Variants in CNTN3 observed in about 807,000 individuals in gnomAD.
CNTN3 encodes the protein contactin-3.
Under a neutral mutation model 119.1 loss-of-function variants are expected in CNTN3, and 60 were observed. That is an observed-to-expected ratio of 0.50 (90% CI 0.41 to 0.62). CNTN3 has a LOEUF of 0.62. Among genes scored for constraint, CNTN3 ranks in the 20% least tolerant of loss-of-function variants. The pLI is 0.00. For missense variants in CNTN3, 1,101 were observed against 1,242.4 expected (o/e 0.89, Z 1.71); for synonymous variants, 450 against 438.7 (o/e 1.03, Z -0.32).
intron 5 of CNTN3, among the ~76,000 whole-genome samples, chr3:74,413,300 T>C (rs1288409475): frequency 1.3e-5 from 2 of 152,222 alleles, no homozygotes; most frequent in South Asian, 2.1e-4. Context: ...TAGATGCCTC[T>C]GAGACTTTGG....
chr3:74,494,759 T>C (rs897937315), intron 3 of CNTN3, among the ~76,000 whole-genome samples: 2 of 152,116 alleles, frequency 1.3e-5, no homozygotes, highest in African/African-American at 4.8e-5. Context: ...GCATTCACTA[T>C]TTTGCTAGGC....
Position 74,429,893 on chromosome 3 carries a change from A to T in CNTN3, c.359-4953T>A, listed in dbSNP as rs1031487649. On this transcript the variant is annotated intron_variant, in intron 4 of 22. Transcript: ENST00000263665. ...AGGACCTGAAAAGATGTTCAACATCATTAGACATCGGGGAAATGCAAATTA... is the reference window on the plus strand; with the variant it reads ...AGGACCTGAAAAGATGTTCAACATCTTTAGACATCGGGGAAATGCAAATTA... Among the ~76,000 whole-genome samples the T allele has an allele frequency of 2.6e-4, 39 of 152,198 alleles. 1 individual carries two copies. Among genetic ancestry groups the T allele is most frequent in the African/African-American group, 8.9e-4 (37 of 41,460 alleles).
intron 13 of CNTN3, among the ~76,000 whole-genome samples, chr3:74,323,294 T>C (rs567347652): frequency 5.3e-5 from 8 of 152,270 alleles, no homozygotes; most frequent in African/African-American, 1.7e-4. Context: ...CTATGAACCT[T>C]AGCAACTGTG....
At chr3:74,317,330 C>T (rs1702858508) in intron 13 of CNTN3, among the ~76,000 whole-genome samples, 1 of 151,588 alleles carries the variant, frequency 6.6e-6, no homozygotes, top group African/African-American at 2.4e-5. Context: ...GCATTTAGCC[C>T]ATTTACATTT....
At chr3:74,593,389 C>T (rs554476171) in intron 1 of CNTN3, among the ~76,000 whole-genome samples, 26 of 151,980 alleles carry the variant, frequency 1.7e-4, no homozygotes, top group Admixed American at 1.2e-3. Context: ...CAAAGAACAA[C>T]GGACAGACAT....
intron 1 of CNTN3, among the ~76,000 whole-genome samples, chr3:74,549,349 C>A (rs1418043005): frequency 6.6e-6 from 1 of 152,122 alleles, no homozygotes; most frequent in Non-Finnish European, 1.5e-5. Flanking sequence ...CCTGTACAGC[C>A]CACAGAACTG....
chr3:74,278,630 T>A (rs1056870938), intron 20 of CNTN3, among the ~76,000 whole-genome samples: 2 of 152,230 alleles, frequency 1.3e-5, no homozygotes, highest in East Asian at 3.9e-4. Flanking sequence ...AGGACTTAAA[T>A]CTAACACCTG....
At chr3:74,362,715 T>TAA (rs149184056) in intron 10 of CNTN3, among the ~76,000 whole-genome samples, 8,976 of 149,746 alleles carry the variant, frequency 0.06, 914 homozygotes, top group African/African-American at 0.2. Flanking sequence ...GGTATGTTAA[T>TAA]AAAAAAAAAA....
Position 74,263,670 on chromosome 3 carries a change from T to G in CNTN3, c.*731A>C, listed in dbSNP as rs1420502384. 1 of 152,054 alleles carries G rather than the reference T, an allele frequency of 6.6e-6. No homozygotes were observed. Among genetic ancestry groups the G allele is most frequent in the African/African-American group, 2.4e-5 (1 of 41,418 alleles). 9.4% of individuals were successfully genotyped at this position (152,054 alleles called of 1,614,324 possible). A position where few individuals can be genotyped will look rare whatever the true frequency, so the allele number is the denominator to read the frequency against. ...AATTCATGCTAATATTTTGCATGGGTCAATTGCATTTGGGGTGACAAAAGC... is the reference window on the plus strand; with the variant it reads ...AATTCATGCTAATATTTTGCATGGGGCAATTGCATTTGGGGTGACAAAAGC... On this transcript the variant is annotated 3_prime_UTR_variant, in exon 23 of 23. Transcript: ENST00000263665.
chr3:74,284,052 C>A (rs960525803), intron 20 of CNTN3, among the ~76,000 whole-genome samples: 3 of 152,052 alleles, frequency 2.0e-5, no homozygotes, highest in Admixed American at 1.3e-4. Flanking sequence ...TTTTTCTATA[C>A]CTAATACAAA....
At chr3:74,423,395 G>A (rs1460485288) in intron 5 of CNTN3, among the ~76,000 whole-genome samples, 1 of 152,200 alleles carries the variant, frequency 6.6e-6, no homozygotes, top group Non-Finnish European at 1.5e-5. Context: ...GCCTTGCTCA[G>A]TCACTAGATG....
intron 4 of CNTN3, among the ~76,000 whole-genome samples, chr3:74,462,893 G>C (rs542677416): frequency 6.6e-6 from 1 of 152,058 alleles, no homozygotes; most frequent in Non-Finnish European, 1.5e-5. Context: ...TCTCTAATCT[G>C]AAACTTTTCA....
intron 11 of CNTN3, among the ~76,000 whole-genome samples, chr3:74,340,401 T>C (rs1007653823): frequency 3.3e-5 from 5 of 151,970 alleles, no homozygotes; most frequent in African/African-American, 1.2e-4. Flanking sequence ...AGACTGAAGA[T>C]AATGGGATGG....
chr3:74,499,747 GTTCT>G lies in CNTN3; in HGVS notation c.90_93del (p.Lys30AsnfsTer16). ...CCAACAGGGAAAATGCTGTTGCTGG[GTTCT>G]TTGATAAATACAGGGCCTTGTAAGA... On this transcript the variant is annotated frameshift_variant, in exon 3 of 23. Transcript: ENST00000263665. LOFTEE classifies it high-confidence loss of function. 1 of 1,611,148 alleles carries G rather than the reference GTTCT, an allele frequency of 6.2e-7. No individual in the cohort carries two copies. The highest frequency in any genetic ancestry group is 8.5e-7 in the Non-Finnish European group (1 of 1,178,314).
intron 1 of CNTN3, among the ~76,000 whole-genome samples, chr3:74,528,668 C>T (rs1468886318): frequency 6.6e-6 from 1 of 151,832 alleles, no homozygotes; most frequent in Non-Finnish European, 1.5e-5. Context: ...ATTTTCCCCA[C>T]ACAATAGATA....
At position 74,551,939 on chromosome 3, in the gene CNTN3, T is replaced by C. The variant is rs554633622; in HGVS notation, c.-80-30747A>G. On this transcript the variant is annotated intron_variant, in intron 1 of 22. Transcript: ENST00000263665. Reference sequence around the variant, plus strand: ...TCACCACACCCCGGTAATTTTTGTATTTTTAGTAGAGACAGGGTTTTGCCA... The same window carrying C: ...TCACCACACCCCGGTAATTTTTGTACTTTTAGTAGAGACAGGGTTTTGCCA... Among the ~76,000 whole-genome samples the C allele has an allele frequency of 4.6e-5, 7 of 151,884 alleles. No individual in the cohort carries two copies. The South Asian group carries it at 1.5e-3, about 32-fold the overall frequency.
intron 4 of CNTN3, among the ~76,000 whole-genome samples, chr3:74,456,815 C>T (rs1323584173): frequency 6.6e-6 from 1 of 152,026 alleles, no homozygotes; most frequent in Non-Finnish European, 1.5e-5. Flanking sequence ...ATGTGCTGCT[C>T]ATTTCATGTA....
At chr3:74,299,281 A>G (rs748518900) in intron 17 of CNTN3, among the ~76,000 whole-genome samples, 1 of 152,226 alleles carries the variant, frequency 6.6e-6, no homozygotes, top group Non-Finnish European at 1.5e-5. Flanking sequence ...TTGTTGACAC[A>G]TCATCAGCAT....
intron 1 of CNTN3, among the ~76,000 whole-genome samples, chr3:74,538,900 T>G (rs1703801746): frequency 6.6e-6 from 1 of 152,150 alleles, no homozygotes; most frequent in Non-Finnish European, 1.5e-5. Flanking sequence ...ACAGCTCAGC[T>G]GTGCCAATTA....
Sources: gnomAD v4.1 joint callset for allele counts (sites outside exome capture counted in the v4.1 genomes callset) on GRCh38, gnomAD v4.1.1 for gene constraint, MANE v1.5 for transcripts, NCBI Gene and HGNC (gene_info 2026-07-23, HGNC 2026-07-21) for gene names.